Variants in PWP1 observed in about 807,000 individuals in gnomAD.
The protein encoded by PWP1 is periodic tryptophan protein 1 homolog.
A neutral mutation model predicts 69.9 loss-of-function variants in PWP1; 47 were observed. The observed-to-expected ratio is 0.67, with a 90% CI of 0.53 to 0.86. The LOEUF is 0.86. Among genes scored for constraint, PWP1 ranks in the 40% least tolerant of loss-of-function variants. The pLI, the probability that PWP1 is intolerant of heterozygous loss-of-function variation, is 0.00. For missense variants in PWP1, 551 were observed against 608.8 expected (o/e 0.91, Z 1.00); for synonymous variants, 222 against 208.2 (o/e 1.07, Z -0.57).
rs1349475612 is a variant in PWP1, at chr12:107,703,035, T to C, written c.903+4T>C. 1.9e-6 allele frequency: 3 copies of C among 1,581,420 alleles called. No individual in the cohort carries two copies. The highest frequency in any genetic ancestry group is 2.6e-6 in the Non-Finnish European group (3 of 1,150,804). ...CCTCGCTGTACACACAGACAAGGTA[T>C]GGTGATTTAGTTGATCACAGCGGTT... is the stretch of plus-strand genomic sequence containing the variant. On this transcript the variant is annotated splice_donor_region_variant and intron_variant, in intron 9 of 14. Coordinates refer to ENST00000412830, the MANE Select transcript of PWP1 (RefSeq NM_007062.3).
chr12:107,702,693 C>T (rs1249835776), intron 8 of PWP1, among the ~76,000 whole-genome samples: 1 of 152,156 alleles, frequency 6.6e-6, no homozygotes, highest in Admixed American at 6.5e-5. Context: ...TGTAATATTT[C>T]CATATTAACA....
At chr12:107,707,091 A>G (rs1233469658) in intron 11 of PWP1, among the ~76,000 whole-genome samples, 1 of 150,646 alleles carries the variant, frequency 6.6e-6, no homozygotes, top group Non-Finnish European at 1.5e-5. Flanking sequence ...AGTGGTTTGT[A>G]GTTCTCCTTG....
chr12:107,702,408 G>A (rs1235243781), intron 8 of PWP1, among the ~76,000 whole-genome samples: 1 of 151,972 alleles, frequency 6.6e-6, no homozygotes, highest in Non-Finnish European at 1.5e-5. Context: ...AGCCTCCTGA[G>A]TAACTGGGAT....
Position 107,703,009 on chromosome 12 carries a change from G to A in PWP1, c.881G>A (p.Ser294Asn). ...WDMSLGKPAA[S>N]LAVHTDKVQT... ...ATGTCCTTGGGGAAACCAGCAGCTA[G>A]CCTCGCTGTACACACAGACAAGGTA... The change falls in exon 9 of 15, where the codon AGC (serine) becomes AAC (asparagine). Residue 294 changes from serine to asparagine, a missense_variant. Coordinates refer to ENST00000412830, the MANE Select transcript of PWP1 (RefSeq NM_007062.3). 1 of 1,607,676 alleles carries A rather than the reference G, an allele frequency of 6.2e-7. No individual in the cohort carries two copies. The highest frequency in any genetic ancestry group is 2.2e-5 in the East Asian group (1 of 44,838).
intron 5 of PWP1, among the ~76,000 whole-genome samples, chr12:107,696,025 G>T (rs1290782847): frequency 1.5e-5 from 2 of 129,558 alleles, no homozygotes; most frequent in Admixed American, 1.7e-4. Flanking sequence ...CATGATATTG[G>T]AATCTTTTTT....
At chr12:107,691,440 T>G (rs995257733) in intron 3 of PWP1, among the ~76,000 whole-genome samples, 4 of 152,300 alleles carry the variant, frequency 2.6e-5, no homozygotes, top group Admixed American at 2.6e-4. Flanking sequence ...TAATGGAACA[T>G]ACACTTTAGG....
chr12:107,687,900 G>A (rs375625096), intron 1 of PWP1, among the ~76,000 whole-genome samples: 27 of 151,566 alleles, frequency 1.8e-4, no homozygotes, highest in South Asian at 4.2e-4. Context: ...GCGTGGTGGC[G>A]CGTGCCTGTA....
chr12:107,701,388 C>T (rs1566080479), intron 8 of PWP1, among the ~76,000 whole-genome samples: 1 of 152,124 alleles, frequency 6.6e-6, no homozygotes, highest in Non-Finnish European at 1.5e-5. Context: ...TTCTTCTATT[C>T]TGTGGGTTGT....
intron 1 of PWP1, chr12:107,686,221 G>T (rs894869308): frequency 2.3e-5 from 13 of 573,880 alleles, no homozygotes; most frequent in East Asian, 2.0e-4. Context: ...TCCCAAATTC[G>T]CACGCACATG....
chr12:107,703,556 CTTT>C (rs1889755021), intron 9 of PWP1, 126 bp from the exon 10 acceptor site: 1 of 781,284 alleles, frequency 1.3e-6, no homozygotes, highest in Non-Finnish European at 2.2e-6. Context: ...ATTTATGTTT[CTTT>C]TGTTTACTGT....
chr12:107,692,564 C>T (rs773903943), intron 3 of PWP1: 6 of 433,548 alleles, frequency 1.4e-5, no homozygotes, highest in Non-Finnish European at 2.1e-5. Flanking sequence ...GGGTCTAATT[C>T]CCTGATACAG....
chr12:107,703,974 G>T (rs141826419), intron 10 of PWP1, among the ~76,000 whole-genome samples: 2 of 152,316 alleles, frequency 1.3e-5, no homozygotes, highest in East Asian at 3.9e-4. Context: ...TTGGCTTTTA[G>T]AGGCTGTACT....
chr12:107,696,792 G>A (rs1312373087), intron 6 of PWP1, among the ~76,000 whole-genome samples: 2 of 152,168 alleles, frequency 1.3e-5, no homozygotes, highest in African/African-American at 4.8e-5. Flanking sequence ...GTAGGCTAAG[G>A]AGGTAGCTGC....
chr12:107,711,198 A>C (rs1031409661), intron 14 of PWP1, among the ~76,000 whole-genome samples: 1 of 152,240 alleles, frequency 6.6e-6, no homozygotes, highest in Non-Finnish European at 1.5e-5. Flanking sequence ...CAGCAGGAAC[A>C]TGCCCTTAAG....
chr12:107,696,613 G>C, intron 6 of PWP1, 29 bp downstream of exon 6: 1 of 1,612,554 alleles, frequency 6.2e-7, no homozygotes, highest in Non-Finnish European at 8.5e-7. Context: ...GTTGTTCAAT[G>C]ATTTCCAGTC....
intron 11 of PWP1, among the ~76,000 whole-genome samples, chr12:107,707,459 A>T (rs1889845843): frequency 6.6e-6 from 1 of 152,236 alleles, no homozygotes; most frequent in Non-Finnish European, 1.5e-5. Flanking sequence ...GAGAGAGGGC[A>T]TCCCTGTCTT....
intron 5 of PWP1, among the ~76,000 whole-genome samples, chr12:107,694,551 T>C (rs1344955506): frequency 6.6e-6 from 1 of 152,238 alleles, no homozygotes; most frequent in Non-Finnish European, 1.5e-5. Context: ...TGTTTATGCA[T>C]AGCAGGCACT....
At chr12:107,686,099 T>G in intron 1 of PWP1, 128 bp downstream of exon 1, 1 of 985,192 alleles carries the variant, frequency 1.0e-6, no homozygotes, top group East Asian at 2.6e-5. Context: ...TGAGGGCGGC[T>G]TTGCCCGGAT....
chr12:107,711,068 T>C (rs1271499022), intron 14 of PWP1, among the ~76,000 whole-genome samples: 4 of 152,206 alleles, frequency 2.6e-5, no homozygotes, highest in Non-Finnish European at 5.9e-5. Context: ...TACCCACATA[T>C]TTATTAACAC....
Sources: gnomAD v4.1 joint callset for allele counts (sites outside exome capture counted in the v4.1 genomes callset) on GRCh38, gnomAD v4.1.1 for gene constraint, MANE v1.5 for transcripts, NCBI Gene and HGNC (gene_info 2026-07-23, HGNC 2026-07-21) for gene names.